The following GK variants were observed in gnomAD, a reference collection of about 807,000 sequenced individuals.
GK encodes the protein glycerol kinase.
A neutral mutation model predicts 56.4 loss-of-function variants in GK; 9 were observed. The observed-to-expected ratio is 0.16, with a 90% CI of 0.10 to 0.28. The LOEUF is 0.28. GK is among the 10% of genes least tolerant of loss of function. The pLI, the probability that GK is intolerant of heterozygous loss-of-function variation, is 1.00. For synonymous variants in GK, 104 were observed against 144.1 expected (o/e 0.72, Z 1.99); for missense variants, 161 against 431.4 (o/e 0.37, Z 5.55).
At chrX:30,673,315 A>T (rs914933427) in intron 3 of GK, among the ~76,000 whole-genome samples, 2 of 112,448 alleles carry the variant, frequency 1.8e-5, no homozygotes, top group Non-Finnish European at 3.8e-5. Context: ...TGTGACTTTC[A>T]TATTATCTTA....
At chrX:30,696,730 AC>A in intron 8 of GK, 47 bp downstream of exon 8, 1 of 966,554 alleles carries the variant, frequency 1.0e-6, no homozygotes. Context: ...AAACCAAAAA[AC>A]AAACAAAAAA....
chrX:30,663,543 A>G (rs1932851673), intron 1 of GK, among the ~76,000 whole-genome samples: 1 of 111,257 alleles, frequency 9.0e-6, no homozygotes, highest in Non-Finnish European at 1.9e-5. Context: ...CAGGGCTATC[A>G]CATGGTGTAT....
intron 11 of GK, among the ~76,000 whole-genome samples, chrX:30,703,992 A>G (rs1364600409): frequency 9.4e-6 from 1 of 106,559 alleles, no homozygotes; most frequent in Non-Finnish European, 1.9e-5. Flanking sequence ...GAATTTCCCT[A>G]GATAGAGGGG....
intron 20 of GK, among the ~76,000 whole-genome samples, chrX:30,728,384 A>C (rs150244257): frequency 9.0e-5 from 10 of 111,241 alleles, no homozygotes; most frequent in Non-Finnish European, 1.3e-4. Flanking sequence ...CCTTGTTTCT[A>C]TGAAAATTGA....
At chrX:30,672,964 T>G (rs752474156) in intron 3 of GK, among the ~76,000 whole-genome samples, 1 of 112,483 alleles carries the variant, frequency 8.9e-6, no homozygotes, top group Non-Finnish European at 1.9e-5. Flanking sequence ...TATGTTATGA[T>G]TTTAATTTTA....
chrX:30,685,167 T>A (rs931917929), intron 4 of GK, among the ~76,000 whole-genome samples: 1 of 110,335 alleles, frequency 9.1e-6, no homozygotes, highest in African/African-American at 3.3e-5. Flanking sequence ...AGTCTCGCAC[T>A]GTCGCCCAGG....
intron 13 of GK, among the ~76,000 whole-genome samples, chrX:30,712,449 G>GT (rs1358770744): frequency 9.0e-6 from 1 of 110,724 alleles, no homozygotes; most frequent in African/African-American, 3.3e-5. Context: ...TCTCTATCTA[G>GT]TCTAGAGTTT....
intron 3 of GK, chrX:30,672,245 G>C (rs1229560927): frequency 2.8e-5 from 3 of 106,154 alleles, no homozygotes; most frequent in African/African-American, 1.0e-4. Flanking sequence ...TCAAAATTGA[G>C]AGCATAAAAT....
At chrX:30,723,451 C>T (rs1196732569) in intron 18 of GK, among the ~76,000 whole-genome samples, 1 of 110,309 alleles carries the variant, frequency 9.1e-6, no homozygotes, top group African/African-American at 3.3e-5. Flanking sequence ...TACAGCATAC[C>T]CTTTTCCTCG....
intron 8 of GK, 66 bp downstream of exon 8, chrX:30,696,749 ATAAT>A (rs781710675): frequency 2.3e-5 from 19 of 837,666 alleles, no homozygotes; most frequent in South Asian, 2.2e-4. Context: ...AAAAAACCTA[ATAAT>A]TAAAGTTTTT....
chrX:30,655,654 T>C (rs757951130), intron 1 of GK, among the ~76,000 whole-genome samples: 5 of 112,613 alleles, frequency 4.4e-5, no homozygotes, highest in Admixed American at 1.9e-4. Context: ...TTCATAACTT[T>C]GTAGGCTTCC....
intron 5 of GK, among the ~76,000 whole-genome samples, chrX:30,693,837 C>T (rs1267432490): frequency 8.9e-6 from 1 of 111,962 alleles, no homozygotes; most frequent in Admixed American, 9.5e-5. Context: ...GCATGAGCCA[C>T]CACACCTGGC....
rs201622490 is a variant in GK, at chrX:30,677,447, C to T, written c.332C>T (p.Ala111Val). The T allele has an allele frequency of 1.6e-5, 17 of 1,091,561 alleles. No individual in the cohort carries two copies. Among genetic ancestry groups the T allele is most frequent in the Non-Finnish European group, 2.2e-5 (17 of 787,242 alleles). The allele number at this position is 1,091,561 out of a possible 1,213,427, so 90.0% of individuals were successfully genotyped here. Residue 111 changes from alanine to valine, a missense_variant, in exon 4 of 21, where the codon GCT (alanine) becomes GTT (valine). Transcript: ENST00000427190. The part of the protein sequence containing the change: ...DKITGEPLYN[A>V]VVWLDLRTQS... ...ATAACTGGAGAGCCTCTCTACAATG[C>T]TGTGGGTAAGCTGTCATGCATGGAT...
At position 30,721,311 on chromosome X, in the gene GK, AGACG is replaced by A. The variant is rs1339306128; in HGVS notation, c.1501+319_1501+322del. On this transcript the variant is annotated intron_variant, in intron 18 of 20. Coordinates refer to ENST00000427190, the MANE Select transcript of GK (RefSeq NM_001205019.2). Reference sequence around the variant, plus strand: ...TTAGAATAGCCTTTTTTTTTTTTTGAGACGGAGTCTCACTTTGTTGCCCAGGCTG... The same window carrying A: ...TTAGAATAGCCTTTTTTTTTTTTTGAGAGTCTCACTTTGTTGCCCAGGCTG... 199 of 230,167 alleles carry A rather than the reference AGACG, an allele frequency of 8.6e-4. 1 individual carries two copies. In the Middle Eastern group the frequency reaches 0.01, roughly 12 times the overall value. 19.0% of individuals were successfully genotyped at this position (230,167 alleles called of 1,213,427 possible).
chrX:30,675,308 G>A (rs1323445684), intron 3 of GK, among the ~76,000 whole-genome samples: 2 of 106,228 alleles, frequency 1.9e-5, no homozygotes, highest in Non-Finnish European at 3.9e-5. Flanking sequence ...CCATTCTCCT[G>A]CCTCAGCCTC....
intron 19 of GK, among the ~76,000 whole-genome samples, chrX:30,725,754 C>T (rs764305022): frequency 7.2e-5 from 8 of 111,066 alleles, no homozygotes; most frequent in Non-Finnish European, 1.5e-4. Flanking sequence ...CGAGTTCAAG[C>T]GATTCTCCTG....
At chrX:30,684,322 C>T (rs1217605690) in intron 4 of GK, among the ~76,000 whole-genome samples, 2 of 111,482 alleles carry the variant, frequency 1.8e-5, no homozygotes, top group African/African-American at 6.5e-5. Context: ...GCAATATGAC[C>T]CTCACTCTGG....
chrX:30,668,158 CTCAA>C (rs1373342417), intron 3 of GK, 40 bp downstream of exon 3: 1 of 711,244 alleles, frequency 1.4e-6, no homozygotes, highest in Non-Finnish European at 2.3e-6. Context: ...ATAAGACTCT[CTCAA>C]TCAAATTCAT....
At position 30,731,160 on chromosome X, in the gene GK, T is replaced by G. The variant is rs1937324859; in HGVS notation, c.*2418T>G. ...TCTTTTGAAGTGCCCAAAGCCCAAT[T>G]CTTTGGGATATCTTTTGGGTATCTG... On this transcript the variant is annotated 3_prime_UTR_variant, in exon 21 of 21. Coordinates refer to ENST00000427190, the MANE Select transcript of GK (RefSeq NM_001205019.2). 8.9e-6 allele frequency: 1 copy of G among 112,105 alleles called. No homozygotes were observed. Among genetic ancestry groups the G allele is most frequent in the Admixed American group, 9.5e-5 (1 of 10,508 alleles). 9.2% of individuals were successfully genotyped at this position (112,105 alleles called of 1,213,427 possible).
Sources: gnomAD v4.1 joint callset for allele counts (sites outside exome capture counted in the v4.1 genomes callset) on GRCh38, gnomAD v4.1.1 for gene constraint, MANE v1.5 for transcripts, NCBI Gene and HGNC (gene_info 2026-07-23, HGNC 2026-07-21) for gene names.